PLEKHA5: variants seen among roughly 807,000 people sequenced by gnomAD.
PLEKHA5 encodes pleckstrin homology domain containing A5, also known as pleckstrin homology domain-containing family A member 5.
In PLEKHA5, 55 loss-of-function variants were observed where a neutral mutation model predicts 181.9. That is an observed-to-expected ratio of 0.30 (90% confidence interval 0.24 to 0.38). The LOEUF (loss-of-function observed/expected upper bound fraction) is 0.38, where lower values mean the gene tolerates loss of function less well. Ranked by LOEUF, PLEKHA5 falls within the 10% of genes least tolerant of loss-of-function variation. PLEKHA5 has a pLI of 1.00. For missense variants in PLEKHA5, 1,432 were observed against 1,549.5 expected (o/e 0.92, Z 1.27); for synonymous variants, 535 against 529.4 (o/e 1.01, Z -0.15).
rs537712097 is a variant in PLEKHA5 at position 19,225,996 on chromosome 12, C to T, written c.228-27944C>T. On this transcript the variant is annotated intron_variant, in intron 3 of 31. Coordinates refer to ENST00000429027, the MANE Select transcript of PLEKHA5 (RefSeq NM_001256470.2). ...CTTTACATATTTCATATTAATGCTA[C>T]GTTAGTTATTTTTCAATTGTGGTAA... is the stretch of plus-strand genomic sequence containing the variant. Among the ~76,000 whole-genome samples the T allele has an allele frequency of 3.3e-5, 5 of 152,218 alleles. No individual in the cohort carries two copies. In the East Asian group the frequency reaches 7.7e-4, roughly 23 times the overall value.
chr12:19,177,082 G>A (rs1358871328), intron 3 of PLEKHA5, among the ~76,000 whole-genome samples: 2 of 151,724 alleles, frequency 1.3e-5, no homozygotes, highest in Non-Finnish European at 2.9e-5. Context: ...TGGCCAGGAT[G>A]GTCTTGATCT....
At chr12:19,212,835 GT>G (rs11290352) in intron 3 of PLEKHA5, among the ~76,000 whole-genome samples, 119,103 of 138,166 alleles carry the variant, frequency 0.86, 51,747 homozygotes, top group Non-Finnish European at 0.95. Context: ...TTTTTTTGTT[GT>G]TTTTTTTTTT....
chr12:19,275,600 T>TA (rs995161354), intron 11 of PLEKHA5, among the ~76,000 whole-genome samples: 14 of 152,056 alleles, frequency 9.2e-5, no homozygotes, highest in African/African-American at 2.7e-4. Context: ...CCTATCTCTG[T>TA]AAAAAATTCT....
At chr12:19,210,633 G>A (rs1319571151) in intron 3 of PLEKHA5, among the ~76,000 whole-genome samples, 2 of 152,148 alleles carry the variant, frequency 1.3e-5, no homozygotes, top group African/African-American at 4.8e-5. Context: ...TATAGTTTAA[G>A]TCAATAAGAA....
chr12:19,356,918 C>G (rs1172937959), intron 26 of PLEKHA5, among the ~76,000 whole-genome samples: 1 of 152,060 alleles, frequency 6.6e-6, no homozygotes, highest in Non-Finnish European at 1.5e-5. Flanking sequence ...CTCGGCCTTC[C>G]AAAGTGTTGG....
chr12:19,188,628 C>G (rs1040321691), intron 3 of PLEKHA5, among the ~76,000 whole-genome samples: 1 of 152,140 alleles, frequency 6.6e-6, no homozygotes, highest in African/African-American at 2.4e-5. Flanking sequence ...TGTATCAGAC[C>G]ATGATGCTTG....
At chr12:19,266,200 T>C (rs1204893855) in intron 8 of PLEKHA5, among the ~76,000 whole-genome samples, 2 of 152,102 alleles carry the variant, frequency 1.3e-5, no homozygotes, top group East Asian at 3.9e-4. Flanking sequence ...AAATTTGGGG[T>C]CTGGGCACAG....
intron 3 of PLEKHA5, chr12:19,243,111 A>G (rs2062978895): frequency 6.6e-6 from 1 of 152,564 alleles, no homozygotes; most frequent in African/African-American, 2.4e-5. Context: ...CAGCATGTGC[A>G]TGGCACATCT....
chr12:19,142,169 A>G (rs1200180255), intron 3 of PLEKHA5, among the ~76,000 whole-genome samples: 1 of 152,040 alleles, frequency 6.6e-6, no homozygotes, highest in African/African-American at 2.4e-5. Context: ...AGACCAGCCT[A>G]CACAACATAG....
chr12:19,333,568 A>C (rs2093063157), intron 20 of PLEKHA5, among the ~76,000 whole-genome samples: 1 of 151,038 alleles, frequency 6.6e-6, no homozygotes, highest in Non-Finnish European at 1.5e-5. Context: ...CAGCCTAGGC[A>C]ACAGCATAAG....
In PLEKHA5 at chr12:19,336,576, A is replaced by T. The variant is rs766391677; in HGVS notation, c.2510A>T (p.Asn837Ile). 2 of 1,608,390 alleles carry T rather than the reference A, an allele frequency of 1.2e-6. No homozygotes were observed. The highest frequency in any genetic ancestry group is 3.3e-5 in the Admixed American group (2 of 59,748). Residue 837 changes from asparagine to isoleucine, a missense_variant, in exon 21 of 32, where the codon AAC becomes ATC. Physicochemically the swap from Asn to Ile is moderately radical, Grantham distance 149 (BLOSUM62 -3). This residue lies in a region of PLEKHA5 where 1,143 missense variants were observed against 1,168.4 expected (regional missense o/e 0.98). Transcript: ENST00000429027. ...KLEYDVTVTR[N>I]QMQEQLDHLG... is the part of the protein sequence containing the mutation. ...GAATACGATGTAACTGTTACCAGGA[A>T]CCAGATGCAAGAGCAGCTGGATCAC...
At chr12:19,367,618 T>C (rs2095466482) in intron 30 of PLEKHA5, among the ~76,000 whole-genome samples, 1 of 150,046 alleles carries the variant, frequency 6.7e-6, no homozygotes, top group Non-Finnish European at 1.5e-5. Context: ...CTTGCTCTGT[T>C]GCCCAGGCTG....
At chr12:19,288,495 T>C (rs551738189) in intron 13 of PLEKHA5, among the ~76,000 whole-genome samples, 19 of 152,370 alleles carry the variant, frequency 1.2e-4, no homozygotes, top group Admixed American at 1.1e-3. Flanking sequence ...TGTCAGTAGA[T>C]AACCTCAGTT....
chr12:19,338,031 CAAA>C (rs35715796), intron 21 of PLEKHA5, among the ~76,000 whole-genome samples: 2 of 86,808 alleles, frequency 2.3e-5, no homozygotes. Context: ...AGCTCCATCT[CAAA>C]AAAAAAAAAA....
intron 28 of PLEKHA5, among the ~76,000 whole-genome samples, chr12:19,360,183 A>G (rs1223228072): frequency 6.6e-6 from 1 of 151,964 alleles, no homozygotes; most frequent in Non-Finnish European, 1.5e-5. Flanking sequence ...TACAAAAATT[A>G]GCCAGGTGTG....
At chr12:19,236,524 T>G (rs1330991638) in intron 3 of PLEKHA5, among the ~76,000 whole-genome samples, 1 of 152,156 alleles carries the variant, frequency 6.6e-6, no homozygotes, top group Non-Finnish European at 1.5e-5. Context: ...TTTTATTGCT[T>G]GAATTTTTGA....
chr12:19,374,462 A>G (rs1174872281), intron 31 of PLEKHA5, among the ~76,000 whole-genome samples: 2 of 147,312 alleles, frequency 1.4e-5, no homozygotes, highest in African/African-American at 5.0e-5. Context: ...GATCGAGACC[A>G]TTGTGGCCAA....
chr12:19,374,063 A>G (rs1277703722), intron 31 of PLEKHA5, among the ~76,000 whole-genome samples: 2 of 152,208 alleles, frequency 1.3e-5, no homozygotes, highest in South Asian at 2.1e-4. Flanking sequence ...GTATTATTTC[A>G]TATCTTCCTA....
chr12:19,221,238 A>G (rs1219742046), intron 3 of PLEKHA5, among the ~76,000 whole-genome samples: 1 of 152,198 alleles, frequency 6.6e-6, no homozygotes, highest in African/African-American at 2.4e-5. Context: ...ACTGGAAGCA[A>G]CCAAGATGTT....
Sources: gnomAD v4.1 joint callset for allele counts (sites outside exome capture counted in the v4.1 genomes callset) on GRCh38, gnomAD v4.1.1 for gene constraint, gnomAD v4.1.1 regional missense constraint, MANE v1.5 for transcripts, NCBI Gene and HGNC (gene_info 2026-07-23, HGNC 2026-07-21) for gene names.